Variants in MILR1 observed in about 807,000 individuals in gnomAD.
MILR1 encodes allergin-1.
MILR1 carries 31 observed loss-of-function variants against 18.5 expected under a neutral mutation model. The observed-to-expected ratio is 1.68, with a 90% confidence interval of 1.26 to 2.26. MILR1 has a LOEUF of 2.26. MILR1 is among the 30% of genes most tolerant of loss of function. MILR1 has a pLI of 0.00. For missense variants in MILR1, 257 were observed against 157.4 expected (o/e 1.63, Z -3.38); for synonymous variants, 85 against 56.2 (o/e 1.51, Z -2.30).
the MILR1 span, among the ~76,000 whole-genome samples, chr17:64,475,657 A>C: frequency 6.6e-6 from 1 of 151,410 alleles, no homozygotes; most frequent in East Asian, 1.9e-4. Context: ...CTCAAAAAAA[A>C]AAAAAAACAA....
chr17:64,484,103 GTC>G, the MILR1 span: 39 of 152,294 alleles, frequency 2.6e-4, no homozygotes, highest in African/African-American at 7.9e-4. Context: ...AAAAATCTCC[GTC>G]TCTCGTGGCA....
chr17:64,482,488 A>AT, the MILR1 span, among the ~76,000 whole-genome samples: 1 of 151,900 alleles, frequency 6.6e-6, no homozygotes, highest in East Asian at 1.9e-4. Context: ...CGCCCAGCTA[A>AT]TTTTTGTATT....
At chr17:64,465,303 T>C (rs1555662867) in intron 5 of MILR1, 149 bp from the exon 6 acceptor site, 3 of 622,214 alleles carry the variant, frequency 4.8e-6, no homozygotes, top group African/African-American at 1.8e-5. Flanking sequence ...GTTGAGTCTA[T>C]AGTTTTCCTT....
At chr17:64,481,610 C>T in the MILR1 span, among the ~76,000 whole-genome samples, 4 of 151,962 alleles carry the variant, frequency 2.6e-5, no homozygotes, top group African/African-American at 4.8e-5. Flanking sequence ...CGGTGGCTCA[C>T]GCCTGTAATC....
chr17:64,457,470 T>C lies in MILR1; in HGVS notation c.438T>C (p.His146=). 1 of 475,414 alleles carries C rather than the reference T, an allele frequency of 2.1e-6. No homozygotes were observed. Among genetic ancestry groups the C allele is most frequent in the East Asian group, 3.1e-5 (1 of 32,050 alleles). 29.4% of individuals were successfully genotyped at this position (475,414 alleles called of 1,614,324 possible). A position where few individuals can be genotyped will look rare whatever the true frequency, so the allele number is the denominator to read the frequency against. Residue 146 remains histidine, a synonymous_variant, in exon 4 of 10, where the codon CAT becomes CAC. Transcript: ENST00000619286. ...QTETDRHITL[H]CLSVNGSLPI... is the part of the protein sequence containing the mutation. ...AAACAGACCGACATATAACATTACATTGCCTCTCAGTCAATGGCTCGCTGC... is the reference window on the plus strand; with the variant it reads ...AAACAGACCGACATATAACATTACACTGCCTCTCAGTCAATGGCTCGCTGC...
intron 2 of MILR1, 83 bp downstream of exon 2, chr17:64,449,438 C>G: frequency 2.4e-6 from 1 of 416,440 alleles, no homozygotes; most frequent in Non-Finnish European, 4.4e-6. Context: ...AGCGTCCATT[C>G]AAAAGTGTTT....
At chr17:64,493,045 T>C in the MILR1 span, 1 of 1,613,374 alleles carries the variant, frequency 6.2e-7, no homozygotes, top group Non-Finnish European at 8.5e-7. Context: ...AATCAATCAT[T>C]GTATACATCT....
At chr17:64,487,902 T>C in the MILR1 span, among the ~76,000 whole-genome samples, 1 of 152,198 alleles carries the variant, frequency 6.6e-6, no homozygotes. Flanking sequence ...TATCCAACAA[T>C]GTCAGGATAT....
chr17:64,492,610 G>T, the MILR1 span: 1 of 955,280 alleles, frequency 1.0e-6, no homozygotes, highest in South Asian at 1.4e-5. Flanking sequence ...AATTACCACT[G>T]ACACATTAAG....
At chr17:64,487,858 T>C in the MILR1 span, among the ~76,000 whole-genome samples, 1 of 151,290 alleles carries the variant, frequency 6.6e-6, no homozygotes, top group African/African-American at 2.4e-5. Context: ...ACAAAAAAGA[T>C]TGTTTATTGT....
At chr17:64,458,214 T>C (rs939652765) in intron 4 of MILR1, among the ~76,000 whole-genome samples, 15 of 113,810 alleles carry the variant, frequency 1.3e-4, no homozygotes, top group African/African-American at 2.6e-4. Flanking sequence ...TCCTTCCTTC[T>C]TTCTTTTCTT....
chr17:64,479,956 A>C, the MILR1 span, among the ~76,000 whole-genome samples: 2 of 152,346 alleles, frequency 1.3e-5, no homozygotes, highest in African/African-American at 4.8e-5. Context: ...AATGCCAGCA[A>C]AGAAAGGCAT....
the MILR1 span, chr17:64,484,255 C>T: frequency 6.6e-6 from 1 of 152,182 alleles, no homozygotes; most frequent in African/African-American, 2.4e-5. Context: ...AAAAGGTTCT[C>T]TCCCTATGGT....
the MILR1 span, chr17:64,496,487 T>C: frequency 1.4e-5 from 22 of 1,612,726 alleles, 1 homozygote; most frequent in Non-Finnish European, 1.8e-5. Flanking sequence ...CTTACTCAGC[T>C]CTTTGTCTTG....
At chr17:64,478,773 T>C in the MILR1 span, among the ~76,000 whole-genome samples, 1 of 151,930 alleles carries the variant, frequency 6.6e-6, no homozygotes, top group African/African-American at 2.4e-5. Context: ...GGCAGGCGCA[T>C]GTAATCCCAG....
chr17:64,496,703 T>A, the MILR1 span: 1 of 1,614,000 alleles, frequency 6.2e-7, no homozygotes, highest in Non-Finnish European at 8.5e-7. Flanking sequence ...CAGAAGAGAA[T>A]CCCGGCTAAG....
the MILR1 span, chr17:64,491,926 G>GAA: frequency 4.5e-3 from 373 of 82,034 alleles, 2 homozygotes; most frequent in African/African-American, 0.015. Flanking sequence ...TGGTACTTGT[G>GAA]AAAAAAAAAA....
chr17:64,490,517 A>C, the MILR1 span: 1 of 424,496 alleles, frequency 2.4e-6, no homozygotes, highest in East Asian at 5.1e-5. Flanking sequence ...AAGGAGTGTA[A>C]AGGCATATGA....
intron 2 of MILR1, among the ~76,000 whole-genome samples, chr17:64,452,240 A>G (rs112394856): frequency 2.6e-5 from 4 of 151,638 alleles, no homozygotes; most frequent in African/African-American, 9.7e-5. Context: ...ACCCAACTTC[A>G]AGAACTTTTT....
Sources: allele counts gnomAD v4.1 joint callset (sites outside exome capture counted in the v4.1 genomes callset), GRCh38; gene constraint gnomAD v4.1.1; transcripts MANE v1.5; gene names NCBI Gene and HGNC (gene_info 2026-07-23, HGNC 2026-07-21).